Variants in MAGI2 observed in about 807,000 individuals in gnomAD.
The protein encoded by MAGI2 is membrane-associated guanylate kinase, WW and PDZ domain-containing protein 2.
MAGI2 carries 35 observed loss-of-function variants against 133.3 expected under a neutral mutation model. The ratio of observed to expected loss-of-function variants is 0.26; its 90% CI spans 0.20 to 0.35. The LOEUF (loss-of-function observed/expected upper bound fraction) is 0.35, where lower values mean the gene tolerates loss of function less well. Among genes scored for constraint, MAGI2 ranks in the 10% least tolerant of loss-of-function variants. The pLI is 1.00. For synonymous variants in MAGI2, 729 were observed against 710.6 expected, an observed-to-expected ratio of 1.03 and a Z score of -0.41; for missense variants, 1,636 against 1,863.4, an observed-to-expected ratio of 0.88 and a Z score of 2.25.
intron 2 of MAGI2, among the ~76,000 whole-genome samples, chr7:78,863,959 A>G (rs970153942): frequency 1.3e-5 from 2 of 152,210 alleles, no homozygotes; most frequent in Admixed American, 6.5e-5. Flanking sequence ...CAGTATGCAT[A>G]TGGGGACCAG....
intron 20 of MAGI2, among the ~76,000 whole-genome samples, chr7:78,082,410 C>T (rs1182969273): frequency 2.0e-5 from 3 of 152,124 alleles, no homozygotes; most frequent in Non-Finnish European, 4.4e-5. Flanking sequence ...AGGAATGAGG[C>T]TCCGGGAAGT....
At chr7:78,390,836 A>G (rs1448606678) in intron 6 of MAGI2, among the ~76,000 whole-genome samples, 3 of 152,154 alleles carry the variant, frequency 2.0e-5, no homozygotes, top group African/African-American at 7.2e-5. Flanking sequence ...TATTGATGCT[A>G]TCTATCAGAC....
At chr7:78,674,815 T>C (rs1300941644) in intron 2 of MAGI2, among the ~76,000 whole-genome samples, 1 of 152,116 alleles carries the variant, frequency 6.6e-6, no homozygotes, top group Non-Finnish European at 1.5e-5. Context: ...TAATTATAAG[T>C]TTAAGACCAA....
intron 10 of MAGI2, among the ~76,000 whole-genome samples, chr7:78,218,936 C>G (rs986121644): frequency 1.3e-5 from 2 of 152,120 alleles, no homozygotes; most frequent in African/African-American, 4.8e-5. Context: ...TCATCATAGC[C>G]GACATTTTGT....
At chr7:78,541,726 G>A (rs918588677) in intron 3 of MAGI2, among the ~76,000 whole-genome samples, 2 of 152,116 alleles carry the variant, frequency 1.3e-5, no homozygotes, top group Non-Finnish European at 2.9e-5. Flanking sequence ...TAGAATGCAC[G>A]TTACTATCTA....
intron 20 of MAGI2, among the ~76,000 whole-genome samples, chr7:78,111,711 G>A (rs11766083): frequency 0.12 from 18,335 of 152,212 alleles, 1,443 homozygotes; most frequent in Non-Finnish European, 0.18. Context: ...CTTTTCCTTC[G>A]TAAAAGGCAT....
At chr7:78,270,051 G>T (rs1794409673) in intron 9 of MAGI2, among the ~76,000 whole-genome samples, 1 of 152,106 alleles carries the variant, frequency 6.6e-6, no homozygotes, top group Admixed American at 6.5e-5. Context: ...GTTTTTGTCA[G>T]GTTTGTCAGA....
intron 2 of MAGI2, among the ~76,000 whole-genome samples, chr7:78,751,847 C>T (rs370038612): frequency 6.6e-6 from 1 of 152,202 alleles, no homozygotes; most frequent in Non-Finnish European, 1.5e-5. Flanking sequence ...GGCAGACACA[C>T]GTGTGGCACC....
chr7:79,130,802 G>A (rs1820867224), intron 1 of MAGI2, among the ~76,000 whole-genome samples: 1 of 152,104 alleles, frequency 6.6e-6, no homozygotes, highest in Non-Finnish European at 1.5e-5. Context: ...ACAATAAAAG[G>A]TAAAGGAAAC....
At chr7:78,419,775 G>A (rs1188117096) in intron 6 of MAGI2, among the ~76,000 whole-genome samples, 1 of 152,048 alleles carries the variant, frequency 6.6e-6, no homozygotes, top group Non-Finnish European at 1.5e-5. Flanking sequence ...ATCAGAAAGG[G>A]CTGTGGTGAG....
At chr7:79,101,723 C>CAAAAAAAAAAAAAAAAA (rs376256842) in intron 1 of MAGI2, among the ~76,000 whole-genome samples, 1 of 112,772 alleles carries the variant, frequency 8.9e-6, no homozygotes, top group African/African-American at 3.7e-5. Context: ...GACTCTGTCA[C>CAAAAAAAAAAAAAAAAA]AAAAAAAAAA....
intron 3 of MAGI2, among the ~76,000 whole-genome samples, chr7:78,604,752 T>C (rs1465182806): frequency 1.3e-5 from 2 of 152,226 alleles, no homozygotes; most frequent in Non-Finnish European, 2.9e-5. Context: ...TTTCAATATA[T>C]TGTTGCTAAT....
chr7:78,763,270 G>A (rs1824695577), intron 2 of MAGI2, among the ~76,000 whole-genome samples: 2 of 152,068 alleles, frequency 1.3e-5, no homozygotes, highest in Non-Finnish European at 2.9e-5. Context: ...CTATATATTA[G>A]GAAATAAAAG....
In MAGI2 at chr7:78,503,040, C is replaced by A. The variant is rs561623283; in HGVS notation, c.755-1253G>T. ...CAACTTTAGCAGCTTCCATACTGAA[C>A]AGATATGATTACTTACAAAGAAAAG... On this transcript the variant is annotated intron_variant, in intron 4 of 21. Coordinates refer to ENST00000354212, the MANE Select transcript of MAGI2 (RefSeq NM_012301.4). Among the ~76,000 whole-genome samples, 9 of 151,954 alleles carry A rather than the reference C, an allele frequency of 5.9e-5. No homozygotes were observed. In the South Asian group the frequency reaches 1.9e-3, roughly 32 times the overall value.
At chr7:78,981,531 T>C (rs1804783931) in intron 2 of MAGI2, among the ~76,000 whole-genome samples, 1 of 146,762 alleles carries the variant, frequency 6.8e-6, no homozygotes, top group African/African-American at 2.7e-5. Context: ...CTTTCCTTAA[T>C]TAATTTAAGC....
intron 2 of MAGI2, among the ~76,000 whole-genome samples, chr7:78,804,307 G>T (rs1024696669): frequency 6.6e-6 from 1 of 152,006 alleles, no homozygotes; most frequent in Non-Finnish European, 1.5e-5. Flanking sequence ...CACATTAACG[G>T]TGTCAAGAAT....
At chr7:78,086,915 C>T (rs937141562) in intron 20 of MAGI2, among the ~76,000 whole-genome samples, 9 of 152,164 alleles carry the variant, frequency 5.9e-5, no homozygotes, top group African/African-American at 1.4e-4. Flanking sequence ...CGATTACAGG[C>T]GTGAGCTACT....
At chr7:78,792,709 G>A (rs1787276705) in intron 2 of MAGI2, among the ~76,000 whole-genome samples, 1 of 152,080 alleles carries the variant, frequency 6.6e-6, no homozygotes, top group African/African-American at 2.4e-5. Context: ...ACTGTGGATT[G>A]CACAAGTGTA....
intron 9 of MAGI2, among the ~76,000 whole-genome samples, chr7:78,272,824 C>T (rs1270747444): frequency 6.6e-6 from 1 of 152,128 alleles, no homozygotes; most frequent in African/African-American, 2.4e-5. Flanking sequence ...TATTTTGAGT[C>T]TATGTGTGTC....
Sources: gnomAD v4.1 joint callset for allele counts (sites outside exome capture counted in the v4.1 genomes callset) on GRCh38, gnomAD v4.1.1 for gene constraint, MANE v1.5 for transcripts, NCBI Gene and HGNC (gene_info 2026-07-23, HGNC 2026-07-21) for gene names.